Variants in SLC9A9 observed in about 807,000 individuals in gnomAD.
SLC9A9 encodes solute carrier family 9 member A9, also known as sodium/hydrogen exchanger 9.
SLC9A9 carries 62 observed loss-of-function variants against 77.8 expected under a neutral mutation model. The observed-to-expected ratio is 0.80, with a 90% CI of 0.65 to 0.98. The LOEUF is 0.98. Ranked by LOEUF, SLC9A9 falls within the 50% of genes least tolerant of loss-of-function variation. The pLI is 0.00. For missense variants in SLC9A9, 775 were observed against 774.9 expected, an observed-to-expected ratio of 1.00 and a Z score of 0.00; for synonymous variants, 320 against 283.5, an observed-to-expected ratio of 1.13 and a Z score of -1.29.
rs532103736 is a variant in SLC9A9, at chr3:143,817,218, G to A, written c.378+14801C>T. On this transcript the variant is annotated intron_variant, in intron 2 of 15. Coordinates refer to ENST00000316549, the MANE Select transcript of SLC9A9 (RefSeq NM_173653.4). Reference sequence around the variant, plus strand: ...CTGCGGACTGCAGTGGTGCAATCTCGGCTCACTGCAAGCTCCGCTTCCCAG... The same window carrying A: ...CTGCGGACTGCAGTGGTGCAATCTCAGCTCACTGCAAGCTCCGCTTCCCAG... Among the ~76,000 whole-genome samples, 25 of 149,614 alleles carry A rather than the reference G, an allele frequency of 1.7e-4. 1 individual carries two copies. In the South Asian group the frequency reaches 2.1e-3, roughly 13 times the overall value.
chr3:143,352,971 C>T (rs2032498811), intron 14 of SLC9A9, among the ~76,000 whole-genome samples: 1 of 152,086 alleles, frequency 6.6e-6, no homozygotes, highest in African/African-American at 2.4e-5. Context: ...AAATAAAATC[C>T]ATTTTCTTAA....
In SLC9A9 at chr3:143,668,380, A is replaced by G. The variant is rs185447972; in HGVS notation, c.650-16020T>C. Among the ~76,000 whole-genome samples the G allele has an allele frequency of 3.9e-4, 59 of 151,800 alleles. No individual in the cohort carries two copies. The East Asian group carries it at 9.3e-3, about 24-fold the overall frequency. On this transcript the variant is annotated intron_variant, in intron 5 of 15. Transcript: ENST00000316549. ...TAGCATTAGGAGATATACCTAATGT[A>G]AATGACGAGTTAATGGGTGCAGCAC...
intron 9 of SLC9A9, among the ~76,000 whole-genome samples, chr3:143,521,328 G>A (rs1236092353): frequency 6.6e-6 from 1 of 152,076 alleles, no homozygotes; most frequent in Admixed American, 6.6e-5. Flanking sequence ...GGCCTGAAGG[G>A]GGCTTCTAGG....
chr3:143,807,494 G>A (rs1007680166), intron 2 of SLC9A9, among the ~76,000 whole-genome samples: 3 of 152,126 alleles, frequency 2.0e-5, no homozygotes, highest in African/African-American at 7.2e-5. Context: ...CATGATCTAT[G>A]TTCCTTCTAT....
chr3:143,668,169 A>C (rs887996403), intron 5 of SLC9A9, among the ~76,000 whole-genome samples: 2 of 152,080 alleles, frequency 1.3e-5, no homozygotes, highest in Non-Finnish European at 2.9e-5. Context: ...GGATGAGTTC[A>C]TGTCCTTTGT....
intron 14 of SLC9A9, among the ~76,000 whole-genome samples, chr3:143,340,057 G>A (rs1318755607): frequency 6.6e-6 from 1 of 152,180 alleles, no homozygotes; most frequent in Non-Finnish European, 1.5e-5. Flanking sequence ...ACAATAATAA[G>A]TGACTTGGAA....
chr3:143,826,259 G>GAAA (rs796267230), intron 2 of SLC9A9, among the ~76,000 whole-genome samples: 3 of 148,782 alleles, frequency 2.0e-5, no homozygotes, highest in African/African-American at 5.0e-5. Context: ...ACTCTGTCTT[G>GAAA]AAAAAAAAAA....
chr3:143,368,988 T>C (rs1385455090), intron 13 of SLC9A9, among the ~76,000 whole-genome samples: 7 of 152,172 alleles, frequency 4.6e-5, no homozygotes, highest in Admixed American at 3.3e-4. Context: ...GTTAAATTCA[T>C]AAATATTACC....
At chr3:143,746,354 T>C (rs1342480517) in intron 4 of SLC9A9, among the ~76,000 whole-genome samples, 2 of 152,170 alleles carry the variant, frequency 1.3e-5, no homozygotes, top group African/African-American at 4.8e-5. Flanking sequence ...CTAGGTTCTC[T>C]TTTTTTCTCC....
chr3:143,515,907 G>A (rs1434507097), intron 9 of SLC9A9, among the ~76,000 whole-genome samples: 1 of 152,120 alleles, frequency 6.6e-6, no homozygotes. Context: ...GATTTGAGGT[G>A]CATTTCTCTT....
At chr3:143,728,756 T>C (rs1262475214) in intron 4 of SLC9A9, among the ~76,000 whole-genome samples, 1 of 151,844 alleles carries the variant, frequency 6.6e-6, no homozygotes, top group East Asian at 1.9e-4. Flanking sequence ...TAGAAATATA[T>C]TTGAAGGAAG....
intron 6 of SLC9A9, among the ~76,000 whole-genome samples, chr3:143,601,856 C>T (rs560536067): frequency 1.0e-3 from 155 of 152,200 alleles, no homozygotes; most frequent in Middle Eastern, 3.4e-3. Context: ...CACTTTGCTA[C>T]ATGGCATTGT....
At chr3:143,551,819 T>C (rs1041255851) in intron 9 of SLC9A9, among the ~76,000 whole-genome samples, 1 of 152,202 alleles carries the variant, frequency 6.6e-6, no homozygotes, top group East Asian at 1.9e-4. Flanking sequence ...GTAGCTAGCA[T>C]GGTGCTTGGC....
At chr3:143,365,380 C>A (rs1279970770) in intron 13 of SLC9A9, among the ~76,000 whole-genome samples, 2 of 152,108 alleles carry the variant, frequency 1.3e-5, no homozygotes, top group African/African-American at 4.8e-5. Flanking sequence ...CACAAGTTTA[C>A]CTATATAACA....
chr3:143,391,717 A>G (rs188814889), intron 12 of SLC9A9, among the ~76,000 whole-genome samples: 86 of 152,334 alleles, frequency 5.6e-4, no homozygotes, highest in Admixed American at 1.5e-3. Context: ...AGATTAGACG[A>G]ATGGCTAACT....
intron 1 of SLC9A9, among the ~76,000 whole-genome samples, chr3:143,840,819 T>C (rs60249173): frequency 0.046 from 7,030 of 152,144 alleles, 513 homozygotes; most frequent in African/African-American, 0.16. Context: ...TTCAAAAGAG[T>C]GTTCTTGCCA....
intron 6 of SLC9A9, among the ~76,000 whole-genome samples, chr3:143,588,672 C>G (rs559030300): frequency 6.6e-6 from 1 of 152,166 alleles, no homozygotes; most frequent in Non-Finnish European, 1.5e-5. Context: ...AGTCTGTGGG[C>G]TTTGAGAAAT....
chr3:143,765,613 T>C (rs1049934660), intron 4 of SLC9A9, among the ~76,000 whole-genome samples: 1 of 152,220 alleles, frequency 6.6e-6, no homozygotes, highest in Non-Finnish European at 1.5e-5. Flanking sequence ...GTGACAAATA[T>C]AAATTCGTGA....
chr3:143,649,870 A>G (rs2038768548), intron 6 of SLC9A9, among the ~76,000 whole-genome samples: 3 of 152,202 alleles, frequency 2.0e-5, no homozygotes. Flanking sequence ...AAACCACGCA[A>G]AGATGGAACT....
Sources: gnomAD v4.1 joint callset for allele counts (sites outside exome capture counted in the v4.1 genomes callset) on GRCh38, gnomAD v4.1.1 for gene constraint, MANE v1.5 for transcripts, NCBI Gene and HGNC (gene_info 2026-07-23, HGNC 2026-07-21) for gene names.